Variants in MEF2A observed in about 807,000 individuals in gnomAD.
MEF2A encodes the protein myocyte-specific enhancer factor 2A.
MEF2A carries 28 observed loss-of-function variants against 55.8 expected under a neutral mutation model. The ratio of observed to expected loss-of-function variants is 0.50; its 90% CI spans 0.37 to 0.69. MEF2A has a LOEUF of 0.69. Ranked by LOEUF, MEF2A falls within the 30% of genes least tolerant of loss-of-function variation. MEF2A has a pLI of 0.00. For missense variants in MEF2A, 528 were observed against 626.2 expected (o/e 0.84, Z 1.67); for synonymous variants, 239 against 227.1 (o/e 1.05, Z -0.47).
At chr15:99,566,662 AT>A in intron 1 of MEF2A, 1 of 152,412 alleles carries the variant, frequency 6.6e-6, no homozygotes, top group Non-Finnish European at 1.5e-5. Context: ...CCCCGAAGGG[AT>A]TAGCCCCAAG....
chr15:99,684,172 G>C (rs1441065372), intron 7 of MEF2A, among the ~76,000 whole-genome samples: 1 of 152,158 alleles, frequency 6.6e-6, no homozygotes, highest in African/African-American at 2.4e-5. Flanking sequence ...AAAATGTGCT[G>C]CTATAAACAT....
intron 4 of MEF2A, among the ~76,000 whole-genome samples, chr15:99,647,215 A>G (rs2046102075): frequency 6.6e-6 from 1 of 151,756 alleles, no homozygotes; most frequent in African/African-American, 2.4e-5. Context: ...ATTGTAAATT[A>G]GGGTATCATT....
At position 99,675,473 on chromosome 15, in the gene MEF2A, A is replaced by C. The variant is rs560098597; in HGVS notation, c.670+15A>C. Reference sequence around the variant, plus strand: ...CAGTCCAGTGGGTGAGTGAATTCCTACTCTTCTGTTTTGTAGGTATCTATC... The same window carrying C: ...CAGTCCAGTGGGTGAGTGAATTCCTCCTCTTCTGTTTTGTAGGTATCTATC... On this transcript the variant is annotated intron_variant, in intron 7 of 11. Transcript: ENST00000557942. 1.2e-6 allele frequency: 2 copies of C among 1,609,786 alleles called. No individual in the cohort carries two copies. Among genetic ancestry groups the C allele is most frequent in the Non-Finnish European group, 1.7e-6 (2 of 1,176,390 alleles).
intron 2 of MEF2A, among the ~76,000 whole-genome samples, chr15:99,618,746 A>T (rs1366199004): frequency 6.6e-6 from 1 of 152,200 alleles, no homozygotes; most frequent in Admixed American, 6.5e-5. Context: ...AAAATGTTAA[A>T]AATTGATGAA....
At chr15:99,675,160 A>G (rs1450257215) in intron 6 of MEF2A, among the ~76,000 whole-genome samples, 2 of 152,160 alleles carry the variant, frequency 1.3e-5, no homozygotes, top group East Asian at 1.9e-4. Context: ...TATTGATGCA[A>G]TACCACTATT....
At chr15:99,687,091 T>C (rs325396) in intron 7 of MEF2A, among the ~76,000 whole-genome samples, 22,215 of 122,700 alleles carry the variant, frequency 0.18, 1,500 homozygotes, top group South Asian at 0.28. Context: ...TTTCTTTTTT[T>C]TTTTTTTTTT....
intron 4 of MEF2A, among the ~76,000 whole-genome samples, chr15:99,652,712 T>C (rs1223802557): frequency 6.6e-6 from 1 of 152,204 alleles, no homozygotes; most frequent in Non-Finnish European, 1.5e-5. Context: ...CTGAATAAAA[T>C]AGCTGCTTAG....
chr15:99,677,921 A>G (rs1048106719), intron 7 of MEF2A, among the ~76,000 whole-genome samples: 2 of 152,224 alleles, frequency 1.3e-5, no homozygotes, highest in South Asian at 2.1e-4. Flanking sequence ...TATTTCAGGC[A>G]TGGTGAAACA....
chr15:99,609,295 A>T lies in MEF2A; in HGVS notation c.-143+10784A>T, dbSNP rs78709986. On this transcript the variant is annotated intron_variant, in intron 2 of 11. Transcript: ENST00000557942. ...TTATTGATCTTATTTCTTGAATCAGATGTTAGTATTTTTGAATTTTACCTA... is the reference window on the plus strand; with the variant it reads ...TTATTGATCTTATTTCTTGAATCAGTTGTTAGTATTTTTGAATTTTACCTA... 1.9e-3 allele frequency among the ~76,000 whole-genome samples: 290 copies of T among 152,312 alleles called. 3 individuals carry two copies. The highest frequency in any genetic ancestry group is 0.018 in the East Asian group (91 of 5,180).
At chr15:99,687,078 A>ATTTTTAT (rs1232619647) in intron 7 of MEF2A, among the ~76,000 whole-genome samples, 1 of 78,690 alleles carries the variant, frequency 1.3e-5, no homozygotes, top group African/African-American at 5.0e-5. Flanking sequence ...TGTCCTATTA[A>ATTTTTAT]TTTTTCTTTT....
chr15:99,571,757 T>C (rs2570825), intron 1 of MEF2A, among the ~76,000 whole-genome samples: 101,671 of 151,960 alleles, frequency 0.67, 38,144 homozygotes, highest in Middle Eastern at 0.86. Context: ...TAAACCCTGG[T>C]GTCTCTGCTG....
intron 1 of MEF2A, among the ~76,000 whole-genome samples, chr15:99,593,651 T>G (rs755279470): frequency 1.3e-5 from 2 of 152,210 alleles, no homozygotes; most frequent in African/African-American, 2.4e-5. Flanking sequence ...GACACTGCAT[T>G]ATGCTCAGTA....
At chr15:99,710,790 T>C (rs371400083) in intron 11 of MEF2A, 30 bp downstream of exon 11, 27 of 1,587,184 alleles carry the variant, frequency 1.7e-5, no homozygotes, top group Non-Finnish European at 2.2e-5. Context: ...CCCTGCATCT[T>C]TACTCCTGGC....
intron 7 of MEF2A, among the ~76,000 whole-genome samples, chr15:99,689,860 T>C (rs1033434257): frequency 1.3e-5 from 2 of 152,234 alleles, no homozygotes; most frequent in Non-Finnish European, 2.9e-5. Context: ...TTAAGCTTTA[T>C]ATGTATTTCA....
chr15:99,580,741 C>T (rs990484654), intron 1 of MEF2A, among the ~76,000 whole-genome samples: 1 of 152,156 alleles, frequency 6.6e-6, no homozygotes, highest in African/African-American at 2.4e-5. Context: ...CTTTTTATTC[C>T]AATGTCAATC....
intron 2 of MEF2A, among the ~76,000 whole-genome samples, chr15:99,623,089 A>C (rs1424356472): frequency 2.0e-5 from 3 of 152,098 alleles, no homozygotes; most frequent in Non-Finnish European, 4.4e-5. Flanking sequence ...CTAGCAACTA[A>C]CTACCATTCT....
intron 1 of MEF2A, among the ~76,000 whole-genome samples, chr15:99,596,533 A>G (rs1407808397): frequency 2.6e-5 from 4 of 152,234 alleles, no homozygotes; most frequent in African/African-American, 9.6e-5. Context: ...TTCCAAATAG[A>G]AACAAAATCA....
intron 2 of MEF2A, among the ~76,000 whole-genome samples, chr15:99,621,789 G>GT (rs2041227387): frequency 6.6e-6 from 1 of 152,108 alleles, no homozygotes; most frequent in Admixed American, 6.5e-5. Context: ...AGAGATGCCT[G>GT]TTTATTTCTT....
At chr15:99,696,038 G>A (rs2056425997) in intron 8 of MEF2A, among the ~76,000 whole-genome samples, 1 of 152,156 alleles carries the variant, frequency 6.6e-6, no homozygotes, top group Non-Finnish European at 1.5e-5. Flanking sequence ...AAGGAGGGAC[G>A]TGACATAGTC....
Sources: allele counts gnomAD v4.1 joint callset (sites outside exome capture counted in the v4.1 genomes callset), GRCh38; gene constraint gnomAD v4.1.1; transcripts MANE v1.5; gene names NCBI Gene and HGNC (gene_info 2026-07-23, HGNC 2026-07-21).